CYP4F11: variants seen among roughly 807,000 people sequenced by gnomAD.
CYP4F11 encodes cytochrome P450 4F11.
A neutral mutation model predicts 62.2 loss-of-function variants in CYP4F11; 79 were observed. That is an observed-to-expected ratio of 1.27 (90% confidence interval 1.06 to 1.53). CYP4F11 has a LOEUF of 1.53. Ranked by LOEUF, CYP4F11 falls within the 40% of genes most tolerant of loss-of-function variation. The pLI is 0.00. For synonymous variants in CYP4F11, 290 were observed against 263.7 expected, an observed-to-expected ratio of 1.10 and a Z score of -0.97; for missense variants, 777 against 680.5, an observed-to-expected ratio of 1.14 and a Z score of -1.58.
chr19:15,927,487 A>G lies in CYP4F11; in HGVS notation c.344-4T>C. On this transcript the variant is annotated splice_polypyrimidine_tract_variant and splice_region_variant and intron_variant, in intron 2 of 11. Transcript: ENST00000402119. ...ATATCCTTGGGTGCGACAGCAGCTG[A>G]CATGATTGAGGACCATCAGTGGCCA... 1 of 1,613,212 alleles carries G rather than the reference A, an allele frequency of 6.2e-7. No individual in the cohort carries two copies. The highest frequency in any genetic ancestry group is 8.5e-7 in the Non-Finnish European group (1 of 1,179,306).
In CYP4F11 at chr19:15,913,622, T is replaced by A; in HGVS notation, c.*110A>T. 1 of 1,398,496 alleles carries A rather than the reference T, an allele frequency of 7.2e-7. No individual in the cohort carries two copies. The highest frequency in any genetic ancestry group is 9.8e-7 in the Non-Finnish European group (1 of 1,015,964). 86.6% of individuals were successfully genotyped at this position (1,398,496 alleles called of 1,614,324 possible). A position where few individuals can be genotyped will look rare whatever the true frequency, so the allele number is the denominator to read the frequency against. ...CACCCACTCACCTCCCTTTCTTAGA[T>A]CCCACCAGTCCCCAGGAGCCCCATG... is the stretch of plus-strand genomic sequence containing the variant. On this transcript the variant is annotated 3_prime_UTR_variant, in exon 12 of 12. Transcript: ENST00000402119.
chr19:15,927,090 G>A, intron 4 of CYP4F11, 122 bp downstream of exon 4: 1 of 1,183,750 alleles, frequency 8.4e-7, no homozygotes, highest in Non-Finnish European at 1.2e-6. Flanking sequence ...TACAGATAGG[G>A]AAACCAAGGC....
At chr19:15,921,230 T>G (rs1346366709) in intron 8 of CYP4F11, among the ~76,000 whole-genome samples, 1 of 152,202 alleles carries the variant, frequency 6.6e-6, no homozygotes, top group Non-Finnish European at 1.5e-5. Flanking sequence ...CACCTCACTT[T>G]TATTTTCATC....
At chr19:15,923,406 A>G (rs2089644405) in intron 6 of CYP4F11, among the ~76,000 whole-genome samples, 1 of 152,126 alleles carries the variant, frequency 6.6e-6, no homozygotes, top group South Asian at 2.1e-4. Context: ...ATTTACAGGT[A>G]AAAACATTGC....
intron 1 of CYP4F11, among the ~76,000 whole-genome samples, chr19:15,930,948 C>A (rs2089709654): frequency 6.6e-6 from 1 of 152,216 alleles, no homozygotes; most frequent in African/African-American, 2.4e-5. Context: ...GTCCTATTCA[C>A]CCTCCACTGC....
intron 8 of CYP4F11, among the ~76,000 whole-genome samples, chr19:15,917,184 T>C (rs1000667699): frequency 6.6e-6 from 1 of 152,114 alleles, no homozygotes; most frequent in Admixed American, 6.6e-5. Flanking sequence ...AAAAACCAAA[T>C]ATCATATAGT....
intron 1 of CYP4F11, among the ~76,000 whole-genome samples, chr19:15,931,643 A>G (rs370345050): frequency 0.037 from 964 of 25,788 alleles, 22 homozygotes; most frequent in East Asian, 0.059. Flanking sequence ...TGAGTGAGCG[A>G]GGAGAGGAAT....
At chr19:15,926,020 C>T (rs970370151) in intron 4 of CYP4F11, among the ~76,000 whole-genome samples, 1 of 151,800 alleles carries the variant, frequency 6.6e-6, no homozygotes, top group Non-Finnish European at 1.5e-5. Context: ...AAAAATTAGA[C>T]GGGCATGGTG....
intron 1 of CYP4F11, among the ~76,000 whole-genome samples, chr19:15,931,090 G>GGAATGAGTGAGT (rs1568256939): frequency 6.7e-6 from 1 of 150,206 alleles, no homozygotes; most frequent in African/African-American, 2.5e-5. Context: ...AAAAGAGAAG[G>GGAATGAGTGAGT]GAGTGGCCAA....
intron 10 of CYP4F11, 67 bp from the exon 11 acceptor site, chr19:15,914,454 T>G (rs2089565926): frequency 1.3e-6 from 2 of 1,569,958 alleles, no homozygotes; most frequent in East Asian, 4.5e-5. Flanking sequence ...CCCAGTTGTC[T>G]CCAAGACCCC....
At position 15,934,236 on chromosome 19, in the gene CYP4F11, T is replaced by G; in HGVS notation, c.173A>C (p.Asn58Thr). ...CAGGCCCTGGTGTCCCCAAAACCAG[T>G]TCTGTTTCGGGGGTTGAGGAAAACA... ...LQCFPQPPKQ[N>T]WFWGHQGLVT... Residue 58 changes from asparagine (N) to threonine (T), a missense_variant, in exon 1 of 12, where the codon AAC (asparagine) becomes ACC (threonine). Physicochemically the swap from Asn to Thr is moderately conservative, Grantham distance 65. Coordinates refer to ENST00000402119, the MANE Select transcript of CYP4F11 (RefSeq NM_021187.4). The G allele has an allele frequency of 5.0e-6, 8 of 1,613,608 alleles. No homozygotes were observed. Among genetic ancestry groups the G allele is most frequent in the Non-Finnish European group, 6.8e-6 (8 of 1,179,706 alleles).
Position 15,913,413 on chromosome 19 carries a change from C to T in CYP4F11, c.*319G>A. ...TTTCTCGCTGAATCAGAGTCTCAGT[C>T]TTGCTCCTTAAACCCATTCTTAATC... On this transcript the variant is annotated 3_prime_UTR_variant, in exon 12 of 12. Transcript: ENST00000402119. 1 of 373,188 alleles carries T rather than the reference C, an allele frequency of 2.7e-6. No homozygotes were observed. Among genetic ancestry groups the T allele is most frequent in the Non-Finnish European group, 5.1e-6 (1 of 196,962 alleles). 23.1% of individuals were successfully genotyped at this position (373,188 alleles called of 1,614,324 possible). A position where few individuals can be genotyped will look rare whatever the true frequency, so the allele number is the denominator to read the frequency against.
intron 2 of CYP4F11, among the ~76,000 whole-genome samples, chr19:15,928,745 G>A (rs536009561): frequency 6.6e-5 from 10 of 152,344 alleles, no homozygotes; most frequent in Non-Finnish European, 1.3e-4. Context: ...AGGATGAGCA[G>A]AGGTAAAGAA....
intron 5 of CYP4F11, among the ~76,000 whole-genome samples, chr19:15,924,530 A>G (rs1473519311): frequency 6.6e-6 from 1 of 152,162 alleles, no homozygotes; most frequent in Non-Finnish European, 1.5e-5. Flanking sequence ...ACCTCCTGAT[A>G]AAGTTCATGC....
intron 5 of CYP4F11, 87 bp from the exon 6 acceptor site, chr19:15,924,169 T>C (rs2089651649): frequency 8.7e-6 from 13 of 1,496,146 alleles, no homozygotes; most frequent in South Asian, 5.1e-5. Context: ...CATCAGGAAA[T>C]TGAGTATCCA....
Position 15,914,661 on chromosome 19 carries a change from C to T in CYP4F11, c.1255G>A (p.Val419Ile). 1 of 1,614,188 alleles carries T rather than the reference C, an allele frequency of 6.2e-7. No individual in the cohort carries two copies. The highest frequency in any genetic ancestry group is 8.5e-7 in the Non-Finnish European group (1 of 1,180,024). The stretch of plus-strand genomic sequence containing the variant: ...ATCCCGATAATATTGATGAGGCAGA[C>T]AATGCCTGTGGGAGAGAAGAGGGCA... Reference protein sequence around the residue: ...PDGRVIPKGIVCLINIIGIHY... With the variant: ...PDGRVIPKGIICLINIIGIHY... The change falls in exon 10 of 12, where the codon GTC (valine) becomes ATC (isoleucine). Residue 419 changes from valine to isoleucine, a missense_variant. Physicochemically the swap from Val to Ile is conservative, Grantham distance 29 (BLOSUM62 3). Coordinates refer to ENST00000402119, the MANE Select transcript of CYP4F11 (RefSeq NM_021187.4).
At chr19:15,925,842 C>T (rs2089665041) in intron 4 of CYP4F11, among the ~76,000 whole-genome samples, 1 of 151,428 alleles carries the variant, frequency 6.6e-6, no homozygotes, top group South Asian at 2.1e-4. Flanking sequence ...CTCCTGGACA[C>T]ATATCAGGCT....
chr19:15,923,634 T>A (rs2089646083), intron 6 of CYP4F11, among the ~76,000 whole-genome samples, 178 bp downstream of exon 6: 1 of 152,206 alleles, frequency 6.6e-6, no homozygotes, highest in Admixed American at 6.5e-5. Flanking sequence ...ATTTCAAACT[T>A]AGCAGTCCCC....
intron 8 of CYP4F11, among the ~76,000 whole-genome samples, chr19:15,919,964 T>A (rs1283567193): frequency 6.6e-6 from 1 of 152,134 alleles, no homozygotes. Flanking sequence ...AGGGTACAAG[T>A]TTCCATTAGA....
Sources: gnomAD v4.1 joint callset for allele counts (sites outside exome capture counted in the v4.1 genomes callset) on GRCh38, gnomAD v4.1.1 for gene constraint, MANE v1.5 for transcripts, NCBI Gene and HGNC (gene_info 2026-07-23, HGNC 2026-07-21) for gene names.